TRIM33: variants seen among roughly 807,000 people sequenced by gnomAD.
TRIM33 encodes the protein tripartite motif containing 33.
Under a neutral mutation model 125.4 loss-of-function variants are expected in TRIM33, and 20 were observed. The observed-to-expected ratio is 0.16, with a 90% CI of 0.11 to 0.23. The LOEUF (loss-of-function observed/expected upper bound fraction) is 0.23. Among genes scored for constraint, TRIM33 ranks in the 10% least tolerant of loss-of-function variants. The pLI is 1.00. For synonymous variants in TRIM33, 564 were observed against 513.9 expected, an observed-to-expected ratio of 1.10 and a Z score of -1.32; for missense variants, 920 against 1,411.4, an observed-to-expected ratio of 0.65 and a Z score of 5.58.
rs368550636 is a variant in TRIM33 at position 114,407,034 on chromosome 1, G to T, written c.2325C>A (p.Val775=). Residue 775 remains valine, a synonymous_variant, in exon 14 of 20, where the codon GTC becomes GTA. Transcript: ENST00000358465. ...CATCTTCAGTCCCAGGTTCTTGCTT[G>T]ACCTTCACCTGATCAGATTTGAAAC... The part of the protein sequence containing the change: ...SLSFKSDQVK[V]KQEPGTEDEI... The T allele has an allele frequency of 1.5e-4, 234 of 1,613,774 alleles. No homozygotes were observed. Among genetic ancestry groups the T allele is most frequent in the Non-Finnish European group, 1.9e-4 (227 of 1,179,874 alleles).
intron 1 of TRIM33, among the ~76,000 whole-genome samples, chr1:114,499,916 T>C (rs748833906): frequency 1.9e-4 from 29 of 152,294 alleles, no homozygotes; most frequent in Non-Finnish European, 4.0e-4. Context: ...ATCCCAGCAC[T>C]TTGGGAGGCC....
At chr1:114,412,924 C>A (rs1652684428) in intron 11 of TRIM33, among the ~76,000 whole-genome samples, 1 of 152,184 alleles carries the variant, frequency 6.6e-6, no homozygotes, top group Non-Finnish European at 1.5e-5. Context: ...AAAGAAACCG[C>A]TGAACTTTTT....
At chr1:114,444,804 T>C (rs1275343428) in intron 4 of TRIM33, among the ~76,000 whole-genome samples, 5 of 152,214 alleles carry the variant, frequency 3.3e-5, no homozygotes, top group African/African-American at 4.8e-5. Flanking sequence ...TTCAAAGAAA[T>C]AGGAAAGCCT....
intron 1 of TRIM33, among the ~76,000 whole-genome samples, chr1:114,479,974 G>C (rs1039102367): frequency 6.6e-5 from 10 of 152,186 alleles, no homozygotes; most frequent in African/African-American, 2.4e-4. Flanking sequence ...CCCCGTCTGG[G>C]AGGTGTACCC....
At chr1:114,432,088 A>C (rs1347363365) in intron 5 of TRIM33, among the ~76,000 whole-genome samples, 1 of 152,212 alleles carries the variant, frequency 6.6e-6, no homozygotes, top group African/African-American at 2.4e-5. Flanking sequence ...TAAAAGGGGA[A>C]GTTATCAGAG....
At chr1:114,508,846 C>T (rs1653161397) in intron 1 of TRIM33, among the ~76,000 whole-genome samples, 4 of 152,256 alleles carry the variant, frequency 2.6e-5, no homozygotes, top group African/African-American at 9.6e-5. Flanking sequence ...TTACTTCATT[C>T]TCTCAATAAC....
intron 4 of TRIM33, among the ~76,000 whole-genome samples, chr1:114,447,056 G>A (rs758445215): frequency 4.6e-4 from 70 of 152,188 alleles, no homozygotes; most frequent in Non-Finnish European, 8.7e-4. Context: ...GATAAAATGC[G>A]TGTATAAGGT....
chr1:114,488,785 A>T (rs1311970848), intron 1 of TRIM33, among the ~76,000 whole-genome samples: 1 of 152,108 alleles, frequency 6.6e-6, no homozygotes, highest in Non-Finnish European at 1.5e-5. Flanking sequence ...ACCAAAAAAA[A>T]TTCAAGGGAT....
rs1002089203 is a variant in TRIM33, at chr1:114,397,511, G to T, written c.*137C>A. 4.7e-6 allele frequency: 3 copies of T among 636,700 alleles called. No individual in the cohort carries two copies. The highest frequency in any genetic ancestry group is 5.8e-5 in the Admixed American group (2 of 34,510). The allele number at this position is 636,700 out of a possible 1,614,324, so 39.4% of individuals were successfully genotyped here. A position where few individuals can be genotyped will look rare whatever the true frequency, so the allele number is the denominator to read the frequency against. On this transcript the variant is annotated 3_prime_UTR_variant, in exon 20 of 20. Transcript: ENST00000358465. ...TATTTCAATCTAATACTGTGTAAAA[G>T]CTATCAGCTTCTTCAAGGAGGTGCC...
intron 15 of TRIM33, 70 bp from the exon 16 acceptor site, chr1:114,402,953 G>A: frequency 1.4e-6 from 2 of 1,398,168 alleles, no homozygotes; most frequent in Non-Finnish European, 1.9e-6. Flanking sequence ...CTACTTCCCT[G>A]GACTGGGGCC....
chr1:114,442,317 A>T (rs1431717615), intron 4 of TRIM33, among the ~76,000 whole-genome samples: 1 of 152,226 alleles, frequency 6.6e-6, no homozygotes, highest in Non-Finnish European at 1.5e-5. Context: ...CCCTAAGAGG[A>T]CTGACAGTAG....
At chr1:114,448,235 AT>A (rs1191612663) in intron 4 of TRIM33, among the ~76,000 whole-genome samples, 1 of 152,254 alleles carries the variant, frequency 6.6e-6, no homozygotes, top group African/African-American at 2.4e-5. Context: ...AAGAGAGTTC[AT>A]CTAAGATAAC....
At chr1:114,470,201 T>C (rs1650553539) in intron 1 of TRIM33, among the ~76,000 whole-genome samples, 1 of 152,236 alleles carries the variant, frequency 6.6e-6, no homozygotes, top group Non-Finnish European at 1.5e-5. Context: ...CATTTAGCTT[T>C]ATACTGCTTC....
intron 1 of TRIM33, among the ~76,000 whole-genome samples, chr1:114,473,172 G>C (rs564641618): frequency 6.6e-6 from 1 of 151,352 alleles, no homozygotes; most frequent in Admixed American, 6.6e-5. Flanking sequence ...CAGGAGAATG[G>C]TGTGAACTCG....
At chr1:114,428,862 C>CT (rs547292378) in intron 6 of TRIM33, among the ~76,000 whole-genome samples, 2,523 of 142,872 alleles carry the variant, frequency 0.018, 52 homozygotes, top group African/African-American at 0.051. Flanking sequence ...CCTTAAGAGG[C>CT]TTTTTTTTTT....
chr1:114,463,250 A>C lies in TRIM33; in HGVS notation c.791-14T>G. On this transcript the variant is annotated splice_polypyrimidine_tract_variant and intron_variant, in intron 3 of 19. Coordinates refer to ENST00000358465, the MANE Select transcript of TRIM33 (RefSeq NM_015906.4). ...CTCCAACAGACTCTGTAGCAAAATAAAACAAATATTTTTTAACCAAACATA... is the reference window on the plus strand; with the variant it reads ...CTCCAACAGACTCTGTAGCAAAATACAACAAATATTTTTTAACCAAACATA... The C allele has an allele frequency of 6.3e-7, 1 of 1,578,230 alleles. No homozygotes were observed. Among genetic ancestry groups the C allele is most frequent in the Non-Finnish European group, 8.6e-7 (1 of 1,168,066 alleles).
intron 5 of TRIM33, among the ~76,000 whole-genome samples, chr1:114,433,268 T>C (rs931522186): frequency 3.3e-5 from 5 of 152,184 alleles, no homozygotes; most frequent in African/African-American, 1.2e-4. Flanking sequence ...GGGGAAATAA[T>C]TGGTCCACCC....
At chr1:114,500,809 TG>T (rs1420432463) in intron 1 of TRIM33, among the ~76,000 whole-genome samples, 1 of 151,820 alleles carries the variant, frequency 6.6e-6, no homozygotes, top group African/African-American at 2.4e-5. Context: ...CTCTAAAAAG[TG>T]TATCAGTTAT....
intron 1 of TRIM33, among the ~76,000 whole-genome samples, chr1:114,478,885 A>G (rs1047262960): frequency 2.6e-5 from 4 of 152,010 alleles, no homozygotes; most frequent in African/African-American, 9.7e-5. Context: ...TGCCTCTACT[A>G]AAAACACAAA....
Sources: allele counts gnomAD v4.1 joint callset (sites outside exome capture counted in the v4.1 genomes callset), GRCh38; gene constraint gnomAD v4.1.1; transcripts MANE v1.5; gene names NCBI Gene and HGNC (gene_info 2026-07-23, HGNC 2026-07-21).